Variants in PCDHA11 observed in about 807,000 individuals in gnomAD.
PCDHA11 encodes protocadherin alpha 11.
In PCDHA11, 61 loss-of-function variants were observed where a neutral mutation model predicts 70.3. The ratio of observed to expected loss-of-function variants is 0.87; its 90% CI spans 0.71 to 1.07. The LOEUF (loss-of-function observed/expected upper bound fraction) is 1.07. Ranked by LOEUF, PCDHA11 falls within the 50% of genes least tolerant of loss-of-function variation. The pLI, the probability that PCDHA11 is intolerant of heterozygous loss-of-function variation, is 0.00. For synonymous variants in PCDHA11, 633 were observed against 555.1 expected (o/e 1.14, Z -1.97); for missense variants, 1,324 against 1,237.5 (o/e 1.07, Z -1.05).
chr5:140,999,056 C>T (rs1256829495), intron 3 of PCDHA11, among the ~76,000 whole-genome samples: 4 of 152,212 alleles, frequency 2.6e-5, no homozygotes, highest in Non-Finnish European at 5.9e-5. Context: ...TCCACCATGC[C>T]TAAGTAGTCT....
chr5:140,928,801 G>C, intron 1 of PCDHA11: 1 of 1,614,184 alleles, frequency 6.2e-7, no homozygotes, highest in Non-Finnish European at 8.5e-7. Context: ...GGTGGTGGTA[G>C]TGGTTCGGGA....
chr5:140,890,828 A>G (rs1554184556), intron 1 of PCDHA11, among the ~76,000 whole-genome samples: 1 of 152,180 alleles, frequency 6.6e-6, no homozygotes, highest in Non-Finnish European at 1.5e-5. Flanking sequence ...ATGTACTTAC[A>G]TATTTACCAG....
At chr5:140,975,174 T>C (rs1470598627) in intron 1 of PCDHA11, among the ~76,000 whole-genome samples, 1 of 152,208 alleles carries the variant, frequency 6.6e-6, no homozygotes, top group Non-Finnish European at 1.5e-5. Context: ...GACTCAGGAC[T>C]CTTGTCCCAT....
At chr5:140,909,574 T>G (rs1363183074) in intron 1 of PCDHA11, among the ~76,000 whole-genome samples, 1 of 152,134 alleles carries the variant, frequency 6.6e-6, no homozygotes, top group Non-Finnish European at 1.5e-5. Flanking sequence ...TCCAGAGATG[T>G]GATATGTTTT....
intron 1 of PCDHA11, among the ~76,000 whole-genome samples, chr5:140,887,705 T>G (rs1016402630): frequency 6.6e-6 from 1 of 152,172 alleles, no homozygotes; most frequent in Non-Finnish European, 1.5e-5. Context: ...TCAACCATAC[T>G]TCTTCTAATA....
At position 140,881,397 on chromosome 5, in the gene PCDHA11, T is replaced by C. The variant is rs571341331; in HGVS notation, c.2391+9903T>C. On this transcript the variant is annotated intron_variant, in intron 1 of 3. Transcript: ENST00000398640. ...CAGCCGGCGGCGGTAAGTTAAATTC[T>C]ATTAAATCAATAGGATATTAGTTCC... 20 of 979,006 alleles carry C rather than the reference T, an allele frequency of 2.0e-5. No homozygotes were observed. In the African/African-American group the frequency reaches 3.5e-4, roughly 17 times the overall value. 60.6% of individuals were successfully genotyped at this position (979,006 alleles called of 1,614,324 possible). A position where few individuals can be genotyped will look rare whatever the true frequency, so the allele number is the denominator to read the frequency against.
intron 3 of PCDHA11, among the ~76,000 whole-genome samples, chr5:141,005,884 T>G (rs1554260408): frequency 6.6e-6 from 1 of 151,862 alleles, no homozygotes; most frequent in Non-Finnish European, 1.5e-5. Flanking sequence ...GAGTTTGAGG[T>G]TACATCAAGC....
intron 1 of PCDHA11, chr5:140,877,906 A>C: frequency 7.0e-7 from 1 of 1,435,008 alleles, no homozygotes; most frequent in Non-Finnish European, 9.2e-7. Flanking sequence ...TTATAACTAC[A>C]TTCTCTCATT....
intron 1 of PCDHA11, among the ~76,000 whole-genome samples, chr5:140,939,130 A>T (rs1183803741): frequency 6.6e-6 from 1 of 152,204 alleles, no homozygotes; most frequent in Admixed American, 6.5e-5. Context: ...TGGAAGCTGG[A>T]AAGTTGATGA....
chr5:140,938,118 T>G (rs1554211986), intron 1 of PCDHA11, among the ~76,000 whole-genome samples: 1 of 152,178 alleles, frequency 6.6e-6, no homozygotes. Context: ...TCTCTCTTTT[T>G]TTAAAAAAAT....
intron 1 of PCDHA11, among the ~76,000 whole-genome samples, chr5:140,952,166 G>A (rs2094699360): frequency 6.6e-6 from 1 of 152,072 alleles, no homozygotes; most frequent in African/African-American, 2.4e-5. Flanking sequence ...GTGGGGTTCA[G>A]TTCCTGCAGC....
At chr5:140,943,516 A>T (rs1202948180) in intron 1 of PCDHA11, among the ~76,000 whole-genome samples, 1 of 152,176 alleles carries the variant, frequency 6.6e-6, no homozygotes, top group Admixed American at 6.5e-5. Context: ...GGAAATGTTG[A>T]GTTCAGTATG....
At chr5:140,900,546 G>A (rs1430203463) in intron 1 of PCDHA11, among the ~76,000 whole-genome samples, 3 of 152,162 alleles carry the variant, frequency 2.0e-5, no homozygotes, top group East Asian at 1.9e-4. Context: ...CAAAGTGCTG[G>A]GATTACAGGC....
intron 1 of PCDHA11, chr5:140,929,010 G>C (rs1554206575): frequency 6.2e-7 from 1 of 1,614,128 alleles, no homozygotes; most frequent in Non-Finnish European, 8.5e-7. Flanking sequence ...TGTGTACCAA[G>C]TTGCACCAGA....
intron 1 of PCDHA11, chr5:140,883,270 T>C: frequency 6.2e-7 from 1 of 1,614,106 alleles, no homozygotes; most frequent in Non-Finnish European, 8.5e-7. Flanking sequence ...CGGGTCATTG[T>C]ACCCTTTTGG....
At chr5:140,992,643 A>C (rs1215653539) in intron 3 of PCDHA11, among the ~76,000 whole-genome samples, 1 of 152,148 alleles carries the variant, frequency 6.6e-6, no homozygotes. Context: ...CCTGGAAAAT[A>C]GAAGAAAGAG....
chr5:140,961,236 T>G (rs246004), intron 1 of PCDHA11, among the ~76,000 whole-genome samples: 1 of 151,942 alleles, frequency 6.6e-6, no homozygotes, highest in African/African-American at 2.4e-5. Context: ...AAAAAGGTGA[T>G]GGAATTTATC....
At chr5:140,875,941 G>A in intron 1 of PCDHA11, 3 of 1,614,160 alleles carry the variant, frequency 1.9e-6, no homozygotes, top group East Asian at 4.5e-5. Context: ...TCTAGAGGGC[G>A]CTTCTGATGC....
intron 1 of PCDHA11, among the ~76,000 whole-genome samples, chr5:140,965,088 G>A (rs1390840466): frequency 4.6e-5 from 7 of 152,196 alleles, no homozygotes; most frequent in Non-Finnish European, 8.8e-5. Context: ...CTTTGTTCCA[G>A]TCCATAGCTA....
Sources: allele counts gnomAD v4.1 joint callset (sites outside exome capture counted in the v4.1 genomes callset), GRCh38; gene constraint gnomAD v4.1.1; transcripts MANE v1.5; gene names NCBI Gene and HGNC (gene_info 2026-07-23, HGNC 2026-07-21).